Variants in LCA5 observed in about 807,000 individuals in gnomAD.
LCA5 encodes the protein lebercilin.
In LCA5, 37 loss-of-function variants were observed where a neutral mutation model predicts 53.0. That is an observed-to-expected ratio of 0.70 (90% confidence interval 0.54 to 0.92). The LOEUF (loss-of-function observed/expected upper bound fraction) is 0.92, where lower values mean the gene tolerates loss of function less well. Ranked by LOEUF, LCA5 falls within the 40% of genes least tolerant of loss-of-function variation. The pLI, the probability that LCA5 is intolerant of heterozygous loss-of-function variation, is 0.00. For missense variants in LCA5, 806 were observed against 790.5 expected (o/e 1.02, Z -0.23); for synonymous variants, 303 against 282.9 (o/e 1.07, Z -0.71).
intron 1 of LCA5, among the ~76,000 whole-genome samples, chr6:79,534,665 A>G (rs1259197533): frequency 6.6e-6 from 1 of 152,176 alleles, no homozygotes; most frequent in Non-Finnish European, 1.5e-5. Context: ...AGGTTTCTAG[A>G]GGAGATAATG....
intron 2 of LCA5, among the ~76,000 whole-genome samples, chr6:79,517,216 A>C (rs1191401563): frequency 6.6e-6 from 1 of 152,042 alleles, no homozygotes; most frequent in Admixed American, 6.6e-5. Flanking sequence ...GTAAAACAGA[A>C]AACGGTACAA....
At chr6:79,509,366 AT>A (rs1265698980) in intron 3 of LCA5, among the ~76,000 whole-genome samples, 2 of 151,602 alleles carry the variant, frequency 1.3e-5, no homozygotes, top group African/African-American at 4.8e-5. Context: ...AGGCAGGAGA[AT>A]CGCTTGAACC....
intron 3 of LCA5, among the ~76,000 whole-genome samples, chr6:79,500,545 A>G (rs1327527950): frequency 6.6e-6 from 1 of 152,208 alleles, no homozygotes; most frequent in Non-Finnish European, 1.5e-5. Flanking sequence ...TCCTTGTGTA[A>G]GCAAGGACCC....
chr6:79,499,505 T>A (rs1770072190), intron 3 of LCA5, among the ~76,000 whole-genome samples: 1 of 151,946 alleles, frequency 6.6e-6, no homozygotes, highest in African/African-American at 2.4e-5. Flanking sequence ...TAGAAAAATA[T>A]CAAGTAGGTA....
At chr6:79,498,766 A>G (rs1034884804) in intron 3 of LCA5, among the ~76,000 whole-genome samples, 5 of 152,076 alleles carry the variant, frequency 3.3e-5, no homozygotes, top group Non-Finnish European at 7.4e-5. Flanking sequence ...GTAGAAAAAG[A>G]AACCAAAAAA....
At chr6:79,497,672 A>C (rs1278370073) in intron 3 of LCA5, among the ~76,000 whole-genome samples, 1 of 152,164 alleles carries the variant, frequency 6.6e-6, no homozygotes, top group Non-Finnish European at 1.5e-5. Flanking sequence ...GGAGAACAGA[A>C]AGTACTATAA....
intron 2 of LCA5, among the ~76,000 whole-genome samples, chr6:79,514,078 C>G (rs1289824035): frequency 6.6e-6 from 1 of 152,136 alleles, no homozygotes; most frequent in Admixed American, 6.6e-5. Flanking sequence ...TCAGCATCAT[C>G]AGCATTAGCA....
chr6:79,489,907 G>C (rs1769790228), intron 6 of LCA5, among the ~76,000 whole-genome samples: 1 of 152,046 alleles, frequency 6.6e-6, no homozygotes, highest in Non-Finnish European at 1.5e-5. Flanking sequence ...AGAACTAATG[G>C]AAGGTGAGTG....
At chr6:79,503,760 G>C (rs1770204497) in intron 3 of LCA5, among the ~76,000 whole-genome samples, 1 of 152,190 alleles carries the variant, frequency 6.6e-6, no homozygotes, top group Non-Finnish European at 1.5e-5. Flanking sequence ...CATAAAGCTG[G>C]AATGGTGTAT....
intron 1 of LCA5, among the ~76,000 whole-genome samples, chr6:79,532,257 G>T (rs1285632429): frequency 6.6e-6 from 1 of 152,174 alleles, no homozygotes; most frequent in Admixed American, 6.5e-5. Context: ...TCAAAGTCAT[G>T]TGAGTCTAGT....
intron 3 of LCA5, 49 bp from the exon 4 acceptor site, chr6:79,493,799 A>G (rs776238814): frequency 2.1e-6 from 3 of 1,438,572 alleles, no homozygotes; most frequent in South Asian, 1.2e-5. Context: ...AATTCCAACA[A>G]TGAAACATAA....
At chr6:79,496,195 G>A (rs1305131669) in intron 3 of LCA5, among the ~76,000 whole-genome samples, 1 of 152,204 alleles carries the variant, frequency 6.6e-6, no homozygotes, top group Non-Finnish European at 1.5e-5. Context: ...AAATGGCAAG[G>A]ATGAGTAGCA....
At chr6:79,491,457 C>T in intron 6 of LCA5, 131 bp downstream of exon 6, 1 of 947,126 alleles carries the variant, frequency 1.1e-6, no homozygotes, top group East Asian at 2.5e-5. Context: ...TCTTTCCCTT[C>T]AAAAAGGCTA....
chr6:79,519,146 T>C (rs1433233231), intron 1 of LCA5, 61 bp from the exon 2 acceptor site: 1 of 527,842 alleles, frequency 1.9e-6, no homozygotes, highest in East Asian at 3.4e-5. Context: ...CTACAGTTAA[T>C]TACAATGAAA....
At chr6:79,503,237 C>T (rs191193352) in intron 3 of LCA5, among the ~76,000 whole-genome samples, 2 of 152,276 alleles carry the variant, frequency 1.3e-5, no homozygotes, top group Non-Finnish European at 2.9e-5. Context: ...CTCTCAGTTT[C>T]CTCAACAGTT....
At position 79,518,760 on chromosome 6, in the gene LCA5, A is replaced by G. The variant is rs758832613; in HGVS notation, c.135T>C (p.Ser45=). Residue 45 remains serine, a synonymous_variant, in exon 2 of 8, where the codon AGT becomes AGC. Transcript: ENST00000369846. ...GTCTTTTAGGATTTTTTCTCCTAAC[A>G]CTTGCAGGTGAAGAACTGACCAGCG... is the stretch of plus-strand genomic sequence containing the variant. ...RSSLVSSSPA[S]VRRKNPKRQT... is the part of the protein sequence containing the mutation. 8.1e-6 allele frequency: 13 copies of G among 1,614,102 alleles called. No individual in the cohort carries two copies. Among genetic ancestry groups the G allele is most frequent in the Non-Finnish European group, 1.1e-5 (13 of 1,180,006 alleles).
intron 3 of LCA5, among the ~76,000 whole-genome samples, chr6:79,506,956 C>T (rs925941016): frequency 1.6e-4 from 25 of 152,118 alleles, no homozygotes; most frequent in African/African-American, 6.0e-4. Flanking sequence ...AAATACAAAA[C>T]GCTCATTAAT....
chr6:79,501,673 A>G (rs1770142891), intron 3 of LCA5, among the ~76,000 whole-genome samples: 1 of 150,900 alleles, frequency 6.6e-6, no homozygotes, highest in African/African-American at 2.4e-5. Flanking sequence ...TATATACTAT[A>G]TTGTATATAG....
At chr6:79,511,380 CTG>C (rs370104459) in intron 3 of LCA5, among the ~76,000 whole-genome samples, 1 of 152,080 alleles carries the variant, frequency 6.6e-6, no homozygotes, top group African/African-American at 2.4e-5. Flanking sequence ...AGGTTAGATA[CTG>C]TGTGATTCCA....
Sources: allele counts gnomAD v4.1 joint callset (sites outside exome capture counted in the v4.1 genomes callset), GRCh38; gene constraint gnomAD v4.1.1; transcripts MANE v1.5; gene names NCBI Gene and HGNC (gene_info 2026-07-23, HGNC 2026-07-21).